The following TEX52 variants were observed in gnomAD, a reference collection of about 807,000 sequenced individuals.
TEX52 encodes testis expressed 52.
A neutral mutation model predicts 17.6 loss-of-function variants in TEX52; 22 were observed. That is an observed-to-expected ratio of 1.25 (90% CI 0.89 to 1.78). TEX52 has a LOEUF of 1.78. TEX52 is among the 40% of genes most tolerant of loss of function. The pLI is 0.00. For synonymous variants in TEX52, 168 were observed against 147.4 expected (o/e 1.14, Z -1.01); for missense variants, 396 against 372.3 (o/e 1.06, Z -0.52).
In TEX52 at chr12:2,855,013, A is replaced by G. The variant is rs1316462404; in HGVS notation, c.506T>C (p.Val169Ala). ...TFVDMKRKKQVIFRTVKELKE... is the reference protein window; with the variant it reads ...TFVDMKRKKQAIFRTVKELKE... ...CAACTCCTTCACTGTCCTGAAAATC[A>G]CCTGCTTCTTCCTTTTCATGTCCAC... Residue 169 changes from valine (V) to alanine (A), a missense_variant, in exon 2 of 3, where the codon GTG (valine) becomes GCG (alanine). Val to Ala is a moderately conservative substitution (Grantham distance 64). Coordinates refer to ENST00000637658, the MANE Select transcript of TEX52 (RefSeq NM_001365174.2). The G allele has an allele frequency of 1.3e-6, 2 of 1,535,938 alleles. No homozygotes were observed. Among genetic ancestry groups the G allele is most frequent in the Non-Finnish European group, 1.7e-6 (2 of 1,146,928 alleles).
chr12:2,854,655 G>T (rs1269978162), intron 2 of TEX52, among the ~76,000 whole-genome samples: 1 of 152,172 alleles, frequency 6.6e-6, no homozygotes, highest in Non-Finnish European at 1.5e-5. Flanking sequence ...TGTGTCCCCA[G>T]TGCCTACCAG....
intron 2 of TEX52, 65 bp downstream of exon 2, chr12:2,854,831 G>T: frequency 6.9e-7 from 1 of 1,440,868 alleles, no homozygotes; most frequent in Non-Finnish European, 9.2e-7. Flanking sequence ...ACAGGAACCT[G>T]AGAGAGGGAG....
chr12:2,849,944 A>G (rs1319865693), intron 2 of TEX52, among the ~76,000 whole-genome samples: 2 of 152,198 alleles, frequency 1.3e-5, no homozygotes, highest in Non-Finnish European at 2.9e-5. Flanking sequence ...ACAGTAGGAA[A>G]CAGACTTTTG....
chr12:2,854,756 T>A (rs1310169952), intron 2 of TEX52, 140 bp downstream of exon 2: 2 of 882,888 alleles, frequency 2.3e-6, no homozygotes, highest in African/African-American at 3.4e-5. Context: ...TCCTTCCAGC[T>A]ACACTCAGAA....
At chr12:2,848,333 C>T (rs1252055039), downstream of TEX52, among the ~76,000 whole-genome samples, 2 of 152,180 alleles carry the variant, frequency 1.3e-5, no homozygotes, top group African/African-American at 4.8e-5. Context: ...CTTCCCATCA[C>T]CCTCCCCAAC....
chr12:2,856,805 C>G (rs889332061), intron 1 of TEX52, 150 bp downstream of exon 1: 1 of 625,044 alleles, frequency 1.6e-6, no homozygotes, highest in Non-Finnish European at 2.9e-6. Context: ...CTCTGGGTTC[C>G]TAGTGTCATA....
At chr12:2,853,284 T>G (rs2098076808) in intron 2 of TEX52, among the ~76,000 whole-genome samples, 1 of 150,388 alleles carries the variant, frequency 6.6e-6, no homozygotes, top group South Asian at 2.1e-4. Flanking sequence ...GGTTTTTTGT[T>G]TTTTTTTTTA....
Position 2,856,996 on chromosome 12 carries a change from C to T in TEX52, c.31G>A (p.Gly11Arg), listed in dbSNP as rs945693473. 8 of 702,912 alleles carry T rather than the reference C, an allele frequency of 1.1e-5. No individual in the cohort carries two copies. The highest frequency in any genetic ancestry group is 4.0e-5 in the Admixed American group (2 of 49,990). 43.5% of individuals were successfully genotyped at this position (702,912 alleles called of 1,614,324 possible). A position where few individuals can be genotyped will look rare whatever the true frequency, so the allele number is the denominator to read the frequency against. MASNRQRSLR[G>R]PSHPSHMEEP... is the part of the protein sequence containing the mutation. ...TCCATATGAGATGGGTGACTGGGCC[C>T]TCTGAGTGATCTTTGCCGGTTACTG... Residue 11 changes from glycine to arginine, a missense_variant, in exon 1 of 3, where the codon GGG becomes AGG. Transcript: ENST00000637658.
Position 2,849,225 on chromosome 12 carries a change from G to T in TEX52, c.*6C>A, listed in dbSNP as rs898453529. On this transcript the variant is annotated 3_prime_UTR_variant, in exon 3 of 3. Coordinates refer to ENST00000637658, the MANE Select transcript of TEX52 (RefSeq NM_001365174.2). Reference sequence around the variant, plus strand: ...GGTATCACGATCGTCCCCTCTGGAAGCCCTTCTAGAAGTGTCCAGGTCTTC... The same window carrying T: ...GGTATCACGATCGTCCCCTCTGGAATCCCTTCTAGAAGTGTCCAGGTCTTC... The T allele has an allele frequency of 1.3e-6, 2 of 1,532,422 alleles. No homozygotes were observed. The highest frequency in any genetic ancestry group is 1.7e-6 in the Non-Finnish European group (2 of 1,145,712). 94.9% of individuals were successfully genotyped at this position (1,532,422 alleles called of 1,614,324 possible).
At chr12:2,851,981 C>G (rs2098072585) in intron 2 of TEX52, among the ~76,000 whole-genome samples, 1 of 152,152 alleles carries the variant, frequency 6.6e-6, no homozygotes, top group Admixed American at 6.5e-5. Flanking sequence ...TCCCGGTCCA[C>G]TAAATTTATT....
intron 2 of TEX52, among the ~76,000 whole-genome samples, chr12:2,851,446 G>A (rs867196390): frequency 2.6e-5 from 4 of 152,054 alleles, no homozygotes; most frequent in Admixed American, 6.6e-5. Flanking sequence ...GCATTCAAGC[G>A]ATTCTCCTGC....
downstream of TEX52, among the ~76,000 whole-genome samples, chr12:2,848,873 A>G (rs370031407): frequency 1.9e-4 from 22 of 114,140 alleles, no homozygotes; most frequent in Admixed American, 3.1e-4. Context: ...ACAGACACAC[A>G]CACGCACACA....
chr12:2,848,268 G>T (rs1194404696), downstream of TEX52, among the ~76,000 whole-genome samples: 1 of 152,180 alleles, frequency 6.6e-6, no homozygotes, highest in East Asian at 1.9e-4. Flanking sequence ...TGTGATGGGG[G>T]TGGGAGGAGG....
chr12:2,855,187 TG>T lies in TEX52; in HGVS notation c.331del (p.Gln111SerfsTer14). The T allele has an allele frequency of 1.3e-6, 2 of 1,509,912 alleles. No homozygotes were observed. The highest frequency in any genetic ancestry group is 2.5e-5 in the East Asian group (1 of 40,470). 93.5% of individuals were successfully genotyped at this position (1,509,912 alleles called of 1,614,324 possible). ...ATTGCTATCGTAGGGCCTGTCAGGCTGGGTGGGGAAGGTGGCAGGCAGACGG... is the reference window on the plus strand; with the variant it reads ...ATTGCTATCGTAGGGCCTGTCAGGCTGGTGGGGAAGGTGGCAGGCAGACGG... ...VCRLPATFPT[Q>X]PDRPYDSNVW... is the part of the protein sequence containing the mutation. On this transcript the variant is annotated frameshift_variant, in exon 2 of 3. Coordinates refer to ENST00000637658, the MANE Select transcript of TEX52 (RefSeq NM_001365174.2). LOFTEE classifies it high-confidence loss of function.
Position 2,854,930 on chromosome 12 carries a change from G to A in TEX52, c.589C>T (p.Gln197Ter), listed in dbSNP as rs878910432. 1.3e-6 allele frequency: 2 copies of A among 1,535,866 alleles called. No homozygotes were observed. Among genetic ancestry groups the A allele is most frequent in the Non-Finnish European group, 1.7e-6 (2 of 1,146,822 alleles). ...SEARAPPLDA[Q>*]GNIQPPASFK... The stretch of plus-strand genomic sequence containing the variant: ...CTCGCTGGCGGCTGGATGTTGCCCT[G>A]GGCATCGAGTGGGGGTGCTCTTGCC... The change falls in exon 2 of 3, where the codon CAG becomes TAG. Residue 197 changes from glutamine to a stop codon, truncating the protein, a stop_gained. Transcript: ENST00000637658. LOFTEE classifies it low-confidence loss of function (END_TRUNC).
Position 2,849,344 on chromosome 12 carries a change from C to G in TEX52, c.805G>C (p.Asp269His). ...CTGTCCTTTATCAGGGTTTGGAAATCCCTTATGAGGTCCTGGCTCAGGGGC... is the reference window on the plus strand; with the variant it reads ...CTGTCCTTTATCAGGGTTTGGAAATGCCTTATGAGGTCCTGGCTCAGGGGC... ...SAPLSQDLIRDFQTLIKDRTA... is the reference protein window; with the variant it reads ...SAPLSQDLIRHFQTLIKDRTA... Residue 269 changes from aspartate (D) to histidine (H), a missense_variant, in exon 3 of 3, where the codon GAT becomes CAT. Physicochemically the swap from Asp to His is moderately conservative, Grantham distance 81. Transcript: ENST00000637658. The G allele has an allele frequency of 6.5e-7, 1 of 1,536,108 alleles. No homozygotes were observed. The highest frequency in any genetic ancestry group is 8.7e-7 in the Non-Finnish European group (1 of 1,146,906).
At position 2,849,303 on chromosome 12, in the gene TEX52, G is replaced by A; in HGVS notation, c.846C>T (p.Leu282=). 6.5e-7 allele frequency: 1 copy of A among 1,536,170 alleles called. No homozygotes were observed. Among genetic ancestry groups the A allele is most frequent in the Non-Finnish European group, 8.7e-7 (1 of 1,146,914 alleles). The change falls in exon 3 of 3, where the codon CTC becomes CTT. Residue 282 remains leucine, a synonymous_variant. Coordinates refer to ENST00000637658, the MANE Select transcript of TEX52 (RefSeq NM_001365174.2). The part of the protein sequence containing the change: ...TLIKDRTALP[L]HHLSKAQASK... ...TTGCTTGTGCCTTGGAGAGATGGTG[G>A]AGGGGTAAGGCAGTTCTGTCCTTTA...
intron 1 of TEX52, among the ~76,000 whole-genome samples, chr12:2,855,696 T>C (rs1001681459): frequency 6.6e-6 from 1 of 152,168 alleles, no homozygotes; most frequent in African/African-American, 2.4e-5. Flanking sequence ...GGCTTTGACT[T>C]CCCACCCTCT....
chr12:2,856,552 AC>A (rs754328730), intron 1 of TEX52, among the ~76,000 whole-genome samples: 27 of 152,096 alleles, frequency 1.8e-4, no homozygotes, highest in Non-Finnish European at 3.4e-4. Flanking sequence ...TTTAGTAGAG[AC>A]GGTTTCATCA....
Sources: gnomAD v4.1 joint callset for allele counts (sites outside exome capture counted in the v4.1 genomes callset) on GRCh38, gnomAD v4.1.1 for gene constraint, MANE v1.5 for transcripts, NCBI Gene and HGNC (gene_info 2026-07-23, HGNC 2026-07-21) for gene names.